MAGI2: variants seen among roughly 807,000 people sequenced by gnomAD.
MAGI2 encodes the protein membrane associated guanylate kinase, WW and PDZ domain containing 2.
Under a neutral mutation model 133.3 loss-of-function variants are expected in MAGI2, and 35 were observed. The observed-to-expected ratio is 0.26, with a 90% confidence interval of 0.20 to 0.35. The LOEUF (loss-of-function observed/expected upper bound fraction) is 0.35, where lower values mean the gene tolerates loss of function less well. Ranked by LOEUF, MAGI2 falls within the 10% of genes least tolerant of loss-of-function variation. The pLI, the probability that MAGI2 is intolerant of heterozygous loss-of-function variation, is 1.00. For missense variants in MAGI2, 1,636 were observed against 1,863.4 expected (o/e 0.88, Z 2.25); for synonymous variants, 729 against 710.6 (o/e 1.03, Z -0.41).
intron 2 of MAGI2, among the ~76,000 whole-genome samples, chr7:78,630,861 TGAA>T (rs773072253): frequency 2.0e-5 from 3 of 152,198 alleles, no homozygotes; most frequent in Admixed American, 6.5e-5. Flanking sequence ...TTTATCCTAT[TGAA>T]GAAATCTTTC....
At chr7:78,573,312 A>AT (rs1491396765) in intron 3 of MAGI2, among the ~76,000 whole-genome samples, 6 of 50,786 alleles carry the variant, frequency 1.2e-4, no homozygotes, top group Non-Finnish European at 2.2e-4. Context: ...TTATATATAT[A>AT]AATATATAAA....
intron 4 of MAGI2, among the ~76,000 whole-genome samples, chr7:78,512,594 C>T (rs1407120713): frequency 6.6e-6 from 1 of 152,030 alleles, no homozygotes; most frequent in Non-Finnish European, 1.5e-5. Flanking sequence ...TTAGTAGAGA[C>T]AGGGTTTTGC....
At chr7:78,738,178 AGTCACAG>A (rs1281164520) in intron 2 of MAGI2, among the ~76,000 whole-genome samples, 1 of 152,134 alleles carries the variant, frequency 6.6e-6, no homozygotes, top group Non-Finnish European at 1.5e-5. Flanking sequence ...CTATTATTTA[AGTCACAG>A]AGGGCTGAAG....
At chr7:78,952,070 A>G (rs1350881893) in intron 2 of MAGI2, among the ~76,000 whole-genome samples, 1 of 152,062 alleles carries the variant, frequency 6.6e-6, no homozygotes, top group Non-Finnish European at 1.5e-5. Flanking sequence ...TGGCATTTCC[A>G]TTTCTAAAAT....
chr7:78,955,892 A>C (rs1178076474), intron 2 of MAGI2, among the ~76,000 whole-genome samples: 3 of 151,878 alleles, frequency 2.0e-5, no homozygotes, highest in Non-Finnish European at 4.4e-5. Context: ...TTACATTAGA[A>C]ACACAGTATT....
chr7:78,736,322 T>C (rs1279948398), intron 2 of MAGI2, among the ~76,000 whole-genome samples: 1 of 152,202 alleles, frequency 6.6e-6, no homozygotes, highest in African/African-American at 2.4e-5. Flanking sequence ...ATTCTAAACG[T>C]AAGAATAACT....
At chr7:78,866,732 C>T (rs1033015136) in intron 2 of MAGI2, among the ~76,000 whole-genome samples, 1 of 152,040 alleles carries the variant, frequency 6.6e-6, no homozygotes, top group Non-Finnish European at 1.5e-5. Context: ...GGAACCAGAT[C>T]TCCTGCTAAA....
chr7:79,103,801 G>T (rs548256655), intron 1 of MAGI2, among the ~76,000 whole-genome samples: 1 of 152,114 alleles, frequency 6.6e-6, no homozygotes, highest in African/African-American at 2.4e-5. Flanking sequence ...CCGGGTTCAC[G>T]CCATTCTACT....
At chr7:78,430,467 T>C (rs1353644300) in intron 6 of MAGI2, among the ~76,000 whole-genome samples, 2 of 152,008 alleles carry the variant, frequency 1.3e-5, no homozygotes, top group African/African-American at 2.4e-5. Context: ...AGGAAACTTA[T>C]TAAAAATAGA....
intron 2 of MAGI2, among the ~76,000 whole-genome samples, chr7:78,777,501 A>G (rs1023176928): frequency 6.6e-6 from 1 of 152,176 alleles, no homozygotes; most frequent in African/African-American, 2.4e-5. Flanking sequence ...CATCGTCATC[A>G]TAACTACTAC....
chr7:79,399,606 C>T (rs1845327618), intron 1 of MAGI2, among the ~76,000 whole-genome samples: 1 of 152,034 alleles, frequency 6.6e-6, no homozygotes, highest in South Asian at 2.1e-4. Context: ...TAGAAGAGAG[C>T]CTATCAGCAG....
intron 4 of MAGI2, among the ~76,000 whole-genome samples, chr7:78,514,584 G>T (rs1262684025): frequency 6.6e-6 from 1 of 152,132 alleles, no homozygotes; most frequent in Non-Finnish European, 1.5e-5. Flanking sequence ...ATAAATATCT[G>T]GGTAGATACA....
At chr7:79,259,953 C>G (rs1918936) in intron 1 of MAGI2, among the ~76,000 whole-genome samples, 1 of 152,032 alleles carries the variant, frequency 6.6e-6, no homozygotes, top group Admixed American at 6.5e-5. Flanking sequence ...CAAATTAAAA[C>G]TGGTGAGAAT....
intron 1 of MAGI2, among the ~76,000 whole-genome samples, chr7:79,222,732 A>G (rs1447129517): frequency 1.3e-5 from 2 of 152,044 alleles, no homozygotes; most frequent in Non-Finnish European, 2.9e-5. Context: ...CCTTTACTAA[A>G]GATTTTATTT....
chr7:78,649,173 A>G (rs1458236506), intron 2 of MAGI2, among the ~76,000 whole-genome samples: 1 of 132,934 alleles, frequency 7.5e-6, no homozygotes, highest in Non-Finnish European at 1.5e-5. Context: ...TGAAAGAAAC[A>G]GTAATCTTCA....
intron 9 of MAGI2, among the ~76,000 whole-genome samples, chr7:78,299,624 G>A (rs1286419647): frequency 6.6e-6 from 1 of 152,038 alleles, no homozygotes; most frequent in Admixed American, 6.6e-5. Flanking sequence ...AAGTTTAGGG[G>A]TACATGTACA....
intron 2 of MAGI2, among the ~76,000 whole-genome samples, chr7:78,755,672 G>A (rs1326919772): frequency 6.6e-6 from 1 of 152,218 alleles, no homozygotes; most frequent in Admixed American, 6.5e-5. Context: ...CCAGTTGATG[G>A]TATGGTTGGT....
At chr7:79,158,075 C>A (rs1055181749) in intron 1 of MAGI2, among the ~76,000 whole-genome samples, 10 of 151,726 alleles carry the variant, frequency 6.6e-5, no homozygotes, top group African/African-American at 1.2e-4. Context: ...TCTCTCCATA[C>A]CATATGATAT....
chr7:78,895,272 G>A (rs192816067), intron 2 of MAGI2, among the ~76,000 whole-genome samples: 2 of 152,228 alleles, frequency 1.3e-5, no homozygotes, highest in African/African-American at 2.4e-5. Context: ...CAGCAAGAAG[G>A]CTCTCACCAG....
Sources: gnomAD v4.1 joint callset for allele counts (sites outside exome capture counted in the v4.1 genomes callset) on GRCh38, gnomAD v4.1.1 for gene constraint, MANE v1.5 for transcripts, NCBI Gene and HGNC (gene_info 2026-07-23, HGNC 2026-07-21) for gene names.